ETV6: variants seen among roughly 807,000 people sequenced by gnomAD.
ETV6 encodes the protein ETS variant transcription factor 6.
In ETV6, 16 loss-of-function variants were observed where a neutral mutation model predicts 51.1. The ratio of observed to expected loss-of-function variants is 0.31; its 90% CI spans 0.21 to 0.48. ETV6 has a LOEUF of 0.48. Among genes scored for constraint, ETV6 ranks in the 20% least tolerant of loss-of-function variants. ETV6 has a pLI of 0.99. For missense variants in ETV6, 458 were observed against 594.8 expected (o/e 0.77, Z 2.39); for synonymous variants, 240 against 224.1 (o/e 1.07, Z -0.64).
At chr12:11,817,054 G>A (rs143161514) in intron 2 of ETV6, among the ~76,000 whole-genome samples, 2 of 152,240 alleles carry the variant, frequency 1.3e-5, no homozygotes, top group East Asian at 3.9e-4. Context: ...GAGGGAACCC[G>A]AACTTTAGAG....
rs1863857415 is a variant in ETV6, at chr12:11,649,960, C to T, written c.-168C>T. ...CGCGCGCCCAACTCCGCCGGCCGCC[C>T]CGCCCCGCCCCGCGCGCTCCAGACC... On this transcript the variant is annotated 5_prime_UTR_variant, in exon 1 of 8. Transcript: ENST00000396373. The T allele has an allele frequency of 2.2e-6, 1 of 448,098 alleles. No individual in the cohort carries two copies. The highest frequency in any genetic ancestry group is 4.3e-5 in the Admixed American group (1 of 23,420). 27.8% of individuals were successfully genotyped at this position (448,098 alleles called of 1,614,324 possible).
At chr12:11,882,505 C>G (rs1011469018) in intron 5 of ETV6, among the ~76,000 whole-genome samples, 1 of 152,198 alleles carries the variant, frequency 6.6e-6, no homozygotes, top group Non-Finnish European at 1.5e-5. Flanking sequence ...GCTTCCTGAT[C>G]TATAAAATAG....
At position 11,848,316 on chromosome 12, in the gene ETV6, A is replaced by G. The variant is rs548539214; in HGVS notation, c.329-5111A>G. 2.0e-5 allele frequency among the ~76,000 whole-genome samples: 3 copies of G among 152,314 alleles called. No individual in the cohort carries two copies. In the East Asian group the frequency reaches 5.8e-4, roughly 29 times the overall value. ...CTTCCCTAAGGGCATACAGCTGACA[A>G]AGAGAGGAACAAGATTCAAACTTGG... On this transcript the variant is annotated intron_variant, in intron 3 of 7. Transcript: ENST00000396373.
At chr12:11,654,106 G>A (rs1002706388) in intron 1 of ETV6, among the ~76,000 whole-genome samples, 2 of 152,100 alleles carry the variant, frequency 1.3e-5, no homozygotes, top group African/African-American at 2.4e-5. Context: ...GAGCCACTGC[G>A]TCCAGCGTAA....
At chr12:11,816,394 G>A (rs544837897) in intron 2 of ETV6, among the ~76,000 whole-genome samples, 53 of 152,186 alleles carry the variant, frequency 3.5e-4, no homozygotes, top group African/African-American at 1.1e-3. Context: ...ACAGGTGCTC[G>A]CCACCATGCC....
chr12:11,732,479 G>A (rs1407346095), intron 1 of ETV6, among the ~76,000 whole-genome samples: 1 of 152,196 alleles, frequency 6.6e-6, no homozygotes, highest in African/African-American at 2.4e-5. Context: ...AAAAGAAAAT[G>A]GGATGCATCT....
intron 2 of ETV6, among the ~76,000 whole-genome samples, chr12:11,786,236 T>G (rs906701149): frequency 6.6e-6 from 1 of 152,174 alleles, no homozygotes; most frequent in African/African-American, 2.4e-5. Flanking sequence ...TCTTTTCATA[T>G]GAAGTCTCCA....
At chr12:11,777,464 T>C (rs1005606753) in intron 2 of ETV6, among the ~76,000 whole-genome samples, 3 of 151,970 alleles carry the variant, frequency 2.0e-5, no homozygotes, top group Non-Finnish European at 4.4e-5. Context: ...GTTTTTTTTT[T>C]CTTCTGGCAT....
chr12:11,685,124 C>T (rs1162073861), intron 1 of ETV6, among the ~76,000 whole-genome samples: 1 of 152,080 alleles, frequency 6.6e-6, no homozygotes, highest in East Asian at 1.9e-4. Flanking sequence ...GATGGGCCTG[C>T]GGAGTGTCAT....
chr12:11,681,757 G>A (rs2120747304), intron 1 of ETV6, among the ~76,000 whole-genome samples: 1 of 152,220 alleles, frequency 6.6e-6, no homozygotes, highest in South Asian at 2.1e-4. Context: ...AGTGTGTGAT[G>A]TTCCCCTCCG....
chr12:11,677,572 G>T (rs2120728606), intron 1 of ETV6, among the ~76,000 whole-genome samples: 1 of 152,328 alleles, frequency 6.6e-6, no homozygotes, highest in Middle Eastern at 3.4e-3. Context: ...CATGGGATGT[G>T]AAGTCCAGTG....
At chr12:11,660,681 C>T (rs1864085803) in intron 1 of ETV6, among the ~76,000 whole-genome samples, 1 of 151,228 alleles carries the variant, frequency 6.6e-6, no homozygotes, top group Non-Finnish European at 1.5e-5. Flanking sequence ...AGAACTCAGA[C>T]TAGGGAAGGA....
intron 1 of ETV6, among the ~76,000 whole-genome samples, chr12:11,701,306 C>T (rs1314351367): frequency 6.6e-6 from 1 of 152,166 alleles, no homozygotes; most frequent in East Asian, 1.9e-4. Context: ...TCCCCCAGCC[C>T]CTGGTAATCA....
At chr12:11,857,836 G>A (rs1337094154) in intron 4 of ETV6, among the ~76,000 whole-genome samples, 2 of 152,202 alleles carry the variant, frequency 1.3e-5, no homozygotes, top group African/African-American at 4.8e-5. Context: ...TAAGAAGGGG[G>A]TTAGGCTAAA....
intron 1 of ETV6, among the ~76,000 whole-genome samples, chr12:11,652,036 G>A (rs761618856): frequency 1.2e-4 from 18 of 152,068 alleles, no homozygotes; most frequent in Non-Finnish European, 2.6e-4. Flanking sequence ...AGCAAAACGC[G>A]TTCTTAAATG....
chr12:11,817,599 G>A (rs937246539), intron 2 of ETV6, among the ~76,000 whole-genome samples: 1 of 152,202 alleles, frequency 6.6e-6, no homozygotes, highest in African/African-American at 2.4e-5. Context: ...CAGAAAGACA[G>A]TACTTGTAGG....
At chr12:11,770,487 G>A (rs928408313) in intron 2 of ETV6, among the ~76,000 whole-genome samples, 2 of 152,148 alleles carry the variant, frequency 1.3e-5, no homozygotes, top group Admixed American at 1.3e-4. Context: ...TAAGTATGGC[G>A]GTTGCAGCCT....
intron 1 of ETV6, among the ~76,000 whole-genome samples, chr12:11,704,020 C>A (rs1865029575): frequency 6.6e-6 from 1 of 152,150 alleles, no homozygotes; most frequent in Non-Finnish European, 1.5e-5. Context: ...ATTTTCAGGT[C>A]ATCCTTCTAG....
chr12:11,777,635 T>C (rs1945349862), intron 2 of ETV6, among the ~76,000 whole-genome samples: 1 of 152,130 alleles, frequency 6.6e-6, no homozygotes, highest in Non-Finnish European at 1.5e-5. Flanking sequence ...CTGCTGTAAG[T>C]AGGATAAATG....
Sources: allele counts gnomAD v4.1 joint callset (sites outside exome capture counted in the v4.1 genomes callset), GRCh38; gene constraint gnomAD v4.1.1; transcripts MANE v1.5; gene names NCBI Gene and HGNC (gene_info 2026-07-23, HGNC 2026-07-21).